The following DUSP7 variants were observed in gnomAD, a reference collection of about 807,000 sequenced individuals.
DUSP7 encodes the protein dual specificity phosphatase 7, also known as dual specificity protein phosphatase 7.
In DUSP7, 7 loss-of-function variants were observed where a neutral mutation model predicts 29.8. That is an observed-to-expected ratio of 0.24 (90% CI 0.13 to 0.44). DUSP7 has a LOEUF of 0.44. Among genes scored for constraint, DUSP7 ranks in the 20% least tolerant of loss-of-function variants. The pLI is 1.00. For missense variants in DUSP7, 400 were observed against 583.7 expected (o/e 0.69, Z 3.24); for synonymous variants, 287 against 275.4 (o/e 1.04, Z -0.42).
chr3:52,056,426 G>A lies in DUSP7; in HGVS notation c.-60C>T. The A allele has an allele frequency of 3.3e-6, 3 of 904,434 alleles. No individual in the cohort carries two copies. Among genetic ancestry groups the A allele is most frequent in the Non-Finnish European group, 4.0e-6 (3 of 757,798 alleles). 56.0% of individuals were successfully genotyped at this position (904,434 alleles called of 1,614,324 possible). On this transcript the variant is annotated 5_prime_UTR_variant, in exon 1 of 3. Coordinates refer to ENST00000495880, the MANE Select transcript of DUSP7 (RefSeq NM_001947.4). The surrounding 1 kb of genome is among the most constrained non-coding windows in gnomAD (Gnocchi z 6.4). ...AGCCCTGCCCTGGGACGGCGCCCCG[G>A]CCGCGCGGGCCCCAGCCGCGTCTCC...
chr3:52,050,928 G>A lies in DUSP7; in HGVS notation c.1147C>T (p.Arg383Trp), dbSNP rs1444636941. 4 of 1,614,258 alleles carry A rather than the reference G, an allele frequency of 2.5e-6. No homozygotes were observed. The highest frequency in any genetic ancestry group is 3.4e-6 in the Non-Finnish European group (4 of 1,180,044). ...CACGGGCTGCTTAGCCCCAGCGTCC[G>A]CTCAAAGTCCAGCAGCTGCCCCATG... is the stretch of plus-strand genomic sequence containing the variant. ...NFMGQLLDFE[R>W]TLGLSSPCDN... Residue 383 changes from arginine to tryptophan, a missense_variant, in exon 3 of 3, where the codon CGG becomes TGG. Physicochemically the swap from Arg to Trp is moderately radical, Grantham distance 101. Transcript: ENST00000495880. The surrounding 1 kb of genome is among the most constrained non-coding windows in gnomAD (Gnocchi z 5.0).
chr3:52,053,528 C>A lies in DUSP7; in HGVS notation c.952+412G>T. 1 of 235,290 alleles carries A rather than the reference C, an allele frequency of 4.3e-6. No homozygotes were observed. Among genetic ancestry groups the A allele is most frequent in the South Asian group, 6.0e-5 (1 of 16,606 alleles). 14.6% of individuals were successfully genotyped at this position (235,290 alleles called of 1,614,324 possible). A position where few individuals can be genotyped will look rare whatever the true frequency, so the allele number is the denominator to read the frequency against. On this transcript the variant is annotated intron_variant, in intron 2 of 2. Coordinates refer to ENST00000495880, the MANE Select transcript of DUSP7 (RefSeq NM_001947.4). This position sits in a 1 kb window ranked among gnomAD's most constrained non-coding sequence, Gnocchi z 4.6. The stretch of plus-strand genomic sequence containing the variant: ...CAGCCCTCTTAGGTCCACATTAAAG[C>A]CCAAAGAGGCACTATGACAACCCCA...
intron 1 of DUSP7, 82 bp downstream of exon 1, chr3:52,055,768 G>T: frequency 1.4e-6 from 2 of 1,427,318 alleles, no homozygotes; most frequent in East Asian, 2.5e-5. Context: ...CGAGCGCGTG[G>T]AGAGGAAAGC....
Position 52,055,937 on chromosome 3 carries a change from G to T in DUSP7, c.430C>A (p.Gln144Lys). The T allele has an allele frequency of 6.4e-7, 1 of 1,562,590 alleles. No individual in the cohort carries two copies. Among genetic ancestry groups the T allele is most frequent in the Non-Finnish European group, 8.7e-7 (1 of 1,155,648 alleles). Reference protein sequence around the residue: ...LLYDEATAEWQPEPGAPASVL... With the variant: ...LLYDEATAEWKPEPGAPASVL... ...GAGGCGGGAGCGCCGGGCTCGGGCTGCCACTCGGCCGTGGCCTCGTCGTAG... is the reference window on the plus strand; with the variant it reads ...GAGGCGGGAGCGCCGGGCTCGGGCTTCCACTCGGCCGTGGCCTCGTCGTAG... The change falls in exon 1 of 3, where the codon CAG becomes AAG. Residue 144 changes from glutamine (Q) to lysine (K), a missense_variant. By Grantham distance (53) the Gln-to-Lys change is moderately conservative (BLOSUM62 1). Around this residue, in one of 4 missense-constraint regions of DUSP7, gnomAD observed 223 missense variants for 360.9 expected, o/e 0.62. Coordinates refer to ENST00000495880, the MANE Select transcript of DUSP7 (RefSeq NM_001947.4).
In DUSP7 at chr3:52,055,929, C is replaced by T. The variant is rs1393176253; in HGVS notation, c.438G>A (p.Glu146=). ...YDEATAEWQP[E]PGAPASVLGL... ...CGAGCACGGAGGCGGGAGCGCCGGG[C>T]TCGGGCTGCCACTCGGCCGTGGCCT... The change falls in exon 1 of 3, where the codon GAG becomes GAA. Residue 146 remains glutamate, a synonymous_variant. Transcript: ENST00000495880. 1 of 1,541,482 alleles carries T rather than the reference C, an allele frequency of 6.5e-7. No individual in the cohort carries two copies. The highest frequency in any genetic ancestry group is 8.7e-7 in the Non-Finnish European group (1 of 1,145,098).
rs527883195 is a variant in DUSP7 at position 52,049,781 on chromosome 3, G to T, written c.*1034C>A. The T allele has an allele frequency of 2.0e-5, 3 of 152,042 alleles. No homozygotes were observed. In the East Asian group the frequency reaches 5.8e-4, roughly 29 times the overall value. The allele number at this position is 152,042 out of a possible 1,614,324, so 9.4% of individuals were successfully genotyped here. A position where few individuals can be genotyped will look rare whatever the true frequency, so the allele number is the denominator to read the frequency against. Reference sequence around the variant, plus strand: ...GAGAGAGAAAGAGAGAGAGGGAGAGGAAGAGAGAGAGACAGACAGACAGAC... The same window carrying T: ...GAGAGAGAAAGAGAGAGAGGGAGAGTAAGAGAGAGAGACAGACAGACAGAC... On this transcript the variant is annotated 3_prime_UTR_variant, in exon 3 of 3. Transcript: ENST00000495880.
chr3:52,053,943 T>C lies in DUSP7; in HGVS notation c.949A>G (p.Ile317Val). The change falls in exon 2 of 3, where the codon ATT (isoleucine) becomes GTT (valine). Residue 317 changes from isoleucine (I) to valine (V), a missense_variant. Ile to Val is a conservative substitution (Grantham distance 29, BLOSUM62 3). This residue lies in a region of DUSP7 where 223 missense variants were observed against 360.9 expected (regional missense o/e 0.62). Transcript: ENST00000495880. This position sits in a 1 kb window ranked among gnomAD's most constrained non-coding sequence, Gnocchi z 4.6. ...SQFFPEAISF[I>V]DEARSKKCGV... Reference sequence around the variant, plus strand: ...CTGCCCAGCACACAGCACCTACCAATGAAGCTGATGGCCTCAGGGAAGAAC... The same window carrying C: ...CTGCCCAGCACACAGCACCTACCAACGAAGCTGATGGCCTCAGGGAAGAAC... 3.1e-6 allele frequency: 5 copies of C among 1,613,992 alleles called. No homozygotes were observed. The highest frequency in any genetic ancestry group is 3.4e-6 in the Non-Finnish European group (4 of 1,179,972).
rs1701901416 is a variant in DUSP7, at chr3:52,056,390, C to G, written c.-24G>C. ...ATGGGGAGCGCGGGCGGCCCGGGGC[C>G]GGGGCCGGGCAGCCCTGCCCTGGGA... On this transcript the variant is annotated 5_prime_UTR_variant, in exon 1 of 3. Transcript: ENST00000495880. This position sits in a 1 kb window ranked among gnomAD's most constrained non-coding sequence, Gnocchi z 6.4. The G allele has an allele frequency of 9.6e-7, 1 of 1,044,834 alleles. No individual in the cohort carries two copies. Among genetic ancestry groups the G allele is most frequent in the Non-Finnish European group, 1.1e-6 (1 of 869,888 alleles). 64.7% of individuals were successfully genotyped at this position (1,044,834 alleles called of 1,614,324 possible).
chr3:52,056,145 C>T lies in DUSP7; in HGVS notation c.222G>A (p.Leu74=). 1 of 1,600,070 alleles carries T rather than the reference C, an allele frequency of 6.2e-7. No individual in the cohort carries two copies. Among genetic ancestry groups the T allele is most frequent in the Non-Finnish European group, 8.5e-7 (1 of 1,177,796 alleles). The change falls in exon 1 of 3, where the codon CTG becomes CTA. Residue 74 remains leucine, a synonymous_variant. Coordinates refer to ENST00000495880, the MANE Select transcript of DUSP7 (RefSeq NM_001947.4). This position sits in a 1 kb window ranked among gnomAD's most constrained non-coding sequence, Gnocchi z 6.4. ...LEARGGASLL[L]LDCRPHELFE... is the part of the protein sequence containing the mutation. ...AGAGCTCGTGCGGCCGGCAGTCGAG[C>T]AGCAGCAAGGACGCGCCGCCGCGCG...
In DUSP7 at chr3:52,054,413, G is replaced by A. The variant is rs1256028798; in HGVS notation, c.518-39C>T. 6.7e-7 allele frequency: 1 copy of A among 1,500,802 alleles called. No homozygotes were observed. Among genetic ancestry groups the A allele is most frequent in the South Asian group, 1.3e-5 (1 of 74,516 alleles). The allele number at this position is 1,500,802 out of a possible 1,614,324, so 93.0% of individuals were successfully genotyped here. On this transcript the variant is annotated intron_variant, in intron 1 of 2. Transcript: ENST00000495880. The surrounding 1 kb of genome is among the most constrained non-coding windows in gnomAD (Gnocchi z 4.1). ...GAGACAGGGCCTGGGTGAGAGGCTG[G>A]TGAGAGCCCAGATGGGCTGCACAAG... is the stretch of plus-strand genomic sequence containing the variant.
intron 1 of DUSP7, among the ~76,000 whole-genome samples, chr3:52,055,020 A>G (rs1701884411): frequency 6.6e-6 from 1 of 152,030 alleles, no homozygotes; most frequent in Admixed American, 6.6e-5. Context: ...CCCTTAGAAC[A>G]CAAGCCCCAC....
chr3:52,056,166 G>A lies in DUSP7; in HGVS notation c.201C>T (p.Arg67=). 1 of 1,590,254 alleles carries A rather than the reference G, an allele frequency of 6.3e-7. No individual in the cohort carries two copies. Among genetic ancestry groups the A allele is most frequent in the Non-Finnish European group, 8.5e-7 (1 of 1,174,722 alleles). The change falls in exon 1 of 3, where the codon CGC becomes CGT. Residue 67 remains arginine (R), a synonymous_variant. Transcript: ENST00000495880. The surrounding 1 kb of genome is among the most constrained non-coding windows in gnomAD (Gnocchi z 6.4). ...CGAGCAGCAGCAAGGACGCGCCGCC[G>A]CGCGCCTCCAGCTCCTCCTGCAGCC... ...AEWLQEELEA[R]GGASLLLLDC...
Position 52,056,483 on chromosome 3 carries a change from G to A in DUSP7, c.-117C>T, listed in dbSNP as rs1701902559. 3 of 428,762 alleles carry A rather than the reference G, an allele frequency of 7.0e-6. No individual in the cohort carries two copies. The highest frequency in any genetic ancestry group is 9.1e-5 in the South Asian group (1 of 10,942). 26.6% of individuals were successfully genotyped at this position (428,762 alleles called of 1,614,324 possible). Reference sequence around the variant, plus strand: ...CCGCCTCCCGCCGAGCTGCGCGCCCGCCGCCCCGGCCTCCCGGCCTCCCGG... The same window carrying A: ...CCGCCTCCCGCCGAGCTGCGCGCCCACCGCCCCGGCCTCCCGGCCTCCCGG... On this transcript the variant is annotated 5_prime_UTR_variant, in exon 1 of 3. Coordinates refer to ENST00000495880, the MANE Select transcript of DUSP7 (RefSeq NM_001947.4). This position sits in a 1 kb window ranked among gnomAD's most constrained non-coding sequence, Gnocchi z 6.4.
Position 52,050,783 on chromosome 3 carries a change from G to A in DUSP7, c.*32C>T. The A allele has an allele frequency of 6.3e-7, 1 of 1,592,844 alleles. No individual in the cohort carries two copies. On this transcript the variant is annotated 3_prime_UTR_variant, in exon 3 of 3. Coordinates refer to ENST00000495880, the MANE Select transcript of DUSP7 (RefSeq NM_001947.4). The surrounding 1 kb of genome is among the most constrained non-coding windows in gnomAD (Gnocchi z 5.0). ...CTAGCCCTGTGGAGAGCCGAGCAGG[G>A]GCCTGGTGCCATGCCCCCCGTGCAC...
In DUSP7 at chr3:52,056,112, C is replaced by T. The variant is rs1214067312; in HGVS notation, c.255G>A (p.Ser85=). The change falls in exon 1 of 3, where the codon TCG becomes TCA. Residue 85 remains serine, a synonymous_variant. Transcript: ENST00000495880. This position sits in a 1 kb window ranked among gnomAD's most constrained non-coding sequence, Gnocchi z 6.4. Reference sequence around the variant, plus strand: ...GGTTGATGGCCGTCTCGATGTGCGACGACTCGAAGAGCTCGTGCGGCCGGC... The same window carrying T: ...GGTTGATGGCCGTCTCGATGTGCGATGACTCGAAGAGCTCGTGCGGCCGGC... ...LDCRPHELFE[S]SHIETAINLA... is the part of the protein sequence containing the mutation. 3 of 1,606,856 alleles carry T rather than the reference C, an allele frequency of 1.9e-6. No homozygotes were observed. Among genetic ancestry groups the T allele is most frequent in the Non-Finnish European group, 1.7e-6 (2 of 1,178,712 alleles).
chr3:52,049,706 A>G lies in DUSP7; in HGVS notation c.*1109T>C, dbSNP rs1211946445. ...CTCCCAGTTACAACAAGAGAGAGGAAAGGAAGAGAGAGGGAGGGGGGGAGA... is the reference window on the plus strand; with the variant it reads ...CTCCCAGTTACAACAAGAGAGAGGAGAGGAAGAGAGAGGGAGGGGGGGAGA... On this transcript the variant is annotated 3_prime_UTR_variant, in exon 3 of 3. Coordinates refer to ENST00000495880, the MANE Select transcript of DUSP7 (RefSeq NM_001947.4). 1 of 151,778 alleles carries G rather than the reference A, an allele frequency of 6.6e-6. No individual in the cohort carries two copies. The highest frequency in any genetic ancestry group is 1.5e-5 in the Non-Finnish European group (1 of 67,904). 9.4% of individuals were successfully genotyped at this position (151,778 alleles called of 1,614,324 possible).
In DUSP7 at chr3:52,054,310, G is replaced by A; in HGVS notation, c.582C>T (p.Ser194=). The A allele has an allele frequency of 6.3e-7, 1 of 1,581,342 alleles. No homozygotes were observed. The highest frequency in any genetic ancestry group is 8.6e-7 in the Non-Finnish European group (1 of 1,162,700). ...AGGTGGGTGGCGAGCTGCTCGGCGA[G>A]GAAGAGCTGTCCACGTTGGTCTCGC... ...EHCETNVDSS[S]SPSSSPPTSV... is the part of the protein sequence containing the mutation. Residue 194 remains serine, a synonymous_variant, in exon 2 of 3, where the codon TCC becomes TCT. Coordinates refer to ENST00000495880, the MANE Select transcript of DUSP7 (RefSeq NM_001947.4). This position sits in a 1 kb window ranked among gnomAD's most constrained non-coding sequence, Gnocchi z 4.1.
Position 52,053,723 on chromosome 3 carries a change from G to C in DUSP7, c.952+217C>G. 1.7e-6 allele frequency: 1 copy of C among 588,660 alleles called. No individual in the cohort carries two copies. Among genetic ancestry groups the C allele is most frequent in the South Asian group, 2.0e-5 (1 of 50,152 alleles). 36.5% of individuals were successfully genotyped at this position (588,660 alleles called of 1,614,324 possible). ...GTGCTGTCAGCTAGGGGGAGCTCAG[G>C]ACTCAGGAGACTGCTCAGGCCCCAA... On this transcript the variant is annotated intron_variant, in intron 2 of 2. Transcript: ENST00000495880. The surrounding 1 kb of genome is among the most constrained non-coding windows in gnomAD (Gnocchi z 4.6).
chr3:52,053,708 C>A lies in DUSP7; in HGVS notation c.952+232G>T. 1 of 572,786 alleles carries A rather than the reference C, an allele frequency of 1.7e-6. No individual in the cohort carries two copies. Among genetic ancestry groups the A allele is most frequent in the East Asian group, 2.9e-5 (1 of 34,078 alleles). The allele number at this position is 572,786 out of a possible 1,614,324, so 35.5% of individuals were successfully genotyped here. A position where few individuals can be genotyped will look rare whatever the true frequency, so the allele number is the denominator to read the frequency against. ...CAGAGAGCCCATGACGTGCTGTCAGCTAGGGGGAGCTCAGGACTCAGGAGA... is the reference window on the plus strand; with the variant it reads ...CAGAGAGCCCATGACGTGCTGTCAGATAGGGGGAGCTCAGGACTCAGGAGA... On this transcript the variant is annotated intron_variant, in intron 2 of 2. Coordinates refer to ENST00000495880, the MANE Select transcript of DUSP7 (RefSeq NM_001947.4). This position sits in a 1 kb window ranked among gnomAD's most constrained non-coding sequence, Gnocchi z 4.6.
Sources: gnomAD v4.1 joint callset for allele counts (sites outside exome capture counted in the v4.1 genomes callset) on GRCh38, gnomAD v4.1.1 for gene constraint, gnomAD v4.1.1 regional missense constraint, Gnocchi (gnomAD v3.1) non-coding constraint, MANE v1.5 for transcripts, NCBI Gene and HGNC (gene_info 2026-07-23, HGNC 2026-07-21) for gene names.